The following ARHGAP44 variants were observed in gnomAD, a reference collection of about 807,000 sequenced individuals.
ARHGAP44 encodes the protein rho GTPase-activating protein 44.
In ARHGAP44, 43 loss-of-function variants were observed where a neutral mutation model predicts 106.8. The ratio of observed to expected loss-of-function variants is 0.40; its 90% CI spans 0.32 to 0.52. The LOEUF (loss-of-function observed/expected upper bound fraction) is 0.52. Ranked by LOEUF, ARHGAP44 falls within the 20% of genes least tolerant of loss-of-function variation. The pLI is 0.48. For missense variants in ARHGAP44, 866 were observed against 1,050.5 expected (o/e 0.82, Z 2.43); for synonymous variants, 439 against 410.3 (o/e 1.07, Z -0.85).
chr17:12,826,135 A>G (rs952653830), intron 1 of ARHGAP44, among the ~76,000 whole-genome samples: 12 of 152,166 alleles, frequency 7.9e-5, no homozygotes, highest in African/African-American at 2.9e-4. Context: ...ACATAGGTAA[A>G]CTTGTGTCCT....
chr17:12,917,850 C>T (rs902346887), intron 5 of ARHGAP44, among the ~76,000 whole-genome samples: 4 of 152,144 alleles, frequency 2.6e-5, no homozygotes, highest in South Asian at 2.1e-4. Context: ...TTCATAGCTA[C>T]GTGCGGTTAG....
chr17:12,851,899 C>T (rs375382985), intron 1 of ARHGAP44, among the ~76,000 whole-genome samples: 3 of 151,800 alleles, frequency 2.0e-5, no homozygotes, highest in African/African-American at 4.8e-5. Flanking sequence ...GGAATATAAT[C>T]GTTTGGTGGA....
At position 12,923,271 on chromosome 17, in the gene ARHGAP44, C is replaced by T. The variant is rs923770614; in HGVS notation, c.464+3440C>T. Among the ~76,000 whole-genome samples the T allele has an allele frequency of 4.6e-5, 7 of 152,000 alleles. No homozygotes were observed. In the South Asian group the frequency reaches 6.2e-4, roughly 14 times the overall value. On this transcript the variant is annotated intron_variant, in intron 6 of 20. Coordinates refer to ENST00000379672, the MANE Select transcript of ARHGAP44 (RefSeq NM_014859.6). ...TGTTGCCCAGGCTAGAGTGCAATGG[C>T]GCAATCTCAGTTCACTGCAACCTCC...
chr17:12,967,754 A>G (rs1167523416), intron 16 of ARHGAP44, among the ~76,000 whole-genome samples: 3 of 152,108 alleles, frequency 2.0e-5, no homozygotes, highest in East Asian at 1.9e-4. Flanking sequence ...CCTGGGCCTA[A>G]TCCTCTCCCT....
chr17:12,841,461 T>G (rs1038495435), intron 1 of ARHGAP44, among the ~76,000 whole-genome samples: 1 of 151,920 alleles, frequency 6.6e-6, no homozygotes, highest in Non-Finnish European at 1.5e-5. Flanking sequence ...TGGTGTGTGC[T>G]GTAGACTCAG....
chr17:12,861,796 G>A (rs577449352), intron 1 of ARHGAP44, among the ~76,000 whole-genome samples: 1 of 151,824 alleles, frequency 6.6e-6, no homozygotes, highest in Non-Finnish European at 1.5e-5. Flanking sequence ...CACCACGCCT[G>A]GCTAGTTTTT....
At chr17:12,910,571 G>A (rs1390540806) in intron 4 of ARHGAP44, among the ~76,000 whole-genome samples, 6 of 146,184 alleles carry the variant, frequency 4.1e-5, no homozygotes, top group Admixed American at 1.4e-4. Context: ...TCCACCTCCC[G>A]AGTAGCTGGG....
intron 1 of ARHGAP44, among the ~76,000 whole-genome samples, chr17:12,858,119 A>G (rs1446812951): frequency 6.6e-6 from 1 of 152,194 alleles, no homozygotes; most frequent in East Asian, 1.9e-4. Flanking sequence ...GTCTGTAGTA[A>G]GCCTTTGGCT....
intron 1 of ARHGAP44, among the ~76,000 whole-genome samples, chr17:12,843,115 G>A (rs2035465621): frequency 6.6e-6 from 1 of 151,658 alleles, no homozygotes; most frequent in Admixed American, 6.5e-5. Context: ...AATAAATGCT[G>A]TGCCTGTGAC....
intron 1 of ARHGAP44, among the ~76,000 whole-genome samples, chr17:12,802,948 TA>T (rs1567621207): frequency 0.034 from 1,244 of 36,144 alleles, 216 homozygotes; most frequent in African/African-American, 0.12. Context: ...TATATATATA[TA>T]TATATATATA....
chr17:12,818,678 G>T (rs1039444260), intron 1 of ARHGAP44, among the ~76,000 whole-genome samples: 5 of 151,976 alleles, frequency 3.3e-5, no homozygotes, highest in Non-Finnish European at 5.9e-5. Flanking sequence ...CTGTATACCT[G>T]CAGTGAACAA....
chr17:12,975,795 C>CAAAA (rs57364760), intron 18 of ARHGAP44, among the ~76,000 whole-genome samples: 20 of 69,220 alleles, frequency 2.9e-4, no homozygotes, highest in Middle Eastern at 9.8e-3. Context: ...GACTCCGTCT[C>CAAAA]AAAAAAAAAA....
rs147563526 is a variant in ARHGAP44, at chr17:12,940,013, T to A, written c.583-1043T>A. 4.6e-5 allele frequency among the ~76,000 whole-genome samples: 7 copies of A among 152,332 alleles called. 1 individual carries two copies. Among genetic ancestry groups the A allele is most frequent in the African/African-American group, 1.4e-4 (6 of 41,576 alleles). On this transcript the variant is annotated intron_variant, in intron 7 of 20. Coordinates refer to ENST00000379672, the MANE Select transcript of ARHGAP44 (RefSeq NM_014859.6). ...GTGTTCTTAATGAGAATAGGCTTAA[T>A]TAGCAGCTAGAGAGACTGAGGGTTA...
chr17:12,987,232 T>TAGACGAGGAG, intron 20 of ARHGAP44: 1 of 1,300,770 alleles, frequency 7.7e-7, no homozygotes, highest in Non-Finnish European at 1.0e-6. Flanking sequence ...GCTCCTCGTC[T>TAGACGAGGAG]CTGCATGTGG....
intron 20 of ARHGAP44, among the ~76,000 whole-genome samples, chr17:12,989,362 AGAC>A (rs1189020396): frequency 2.0e-5 from 3 of 152,128 alleles, no homozygotes; most frequent in Non-Finnish European, 4.4e-5. Flanking sequence ...GCCGACTCAG[AGAC>A]GTCCAGACAC....
chr17:12,940,277 C>T lies in ARHGAP44; in HGVS notation c.583-779C>T, dbSNP rs143088092. Among the ~76,000 whole-genome samples, 37 of 152,250 alleles carry T rather than the reference C, an allele frequency of 2.4e-4. No homozygotes were observed. The East Asian group carries it at 6.9e-3, about 29-fold the overall frequency. On this transcript the variant is annotated intron_variant, in intron 7 of 20. Transcript: ENST00000379672. The stretch of plus-strand genomic sequence containing the variant: ...ATCGTATGACTTGAGCAAGCAAGTT[C>T]GGATAAGTGACATGCTCAAAAATAT...
chr17:12,855,538 A>G (rs1410589385), intron 1 of ARHGAP44, among the ~76,000 whole-genome samples: 2 of 151,024 alleles, frequency 1.3e-5, no homozygotes. Flanking sequence ...TTTTTTTTAC[A>G]ACTAATTTAA....
At chr17:12,931,876 A>G (rs2038413926) in intron 7 of ARHGAP44, among the ~76,000 whole-genome samples, 1 of 148,064 alleles carries the variant, frequency 6.8e-6, no homozygotes, top group African/African-American at 2.5e-5. Context: ...ACACACACAC[A>G]CACATATCAT....
At chr17:12,854,411 T>G (rs965940027) in intron 1 of ARHGAP44, among the ~76,000 whole-genome samples, 1 of 152,120 alleles carries the variant, frequency 6.6e-6, no homozygotes, top group African/African-American at 2.4e-5. Context: ...TTGACAATAT[T>G]ATGACAGGTA....
Sources: allele counts gnomAD v4.1 joint callset (sites outside exome capture counted in the v4.1 genomes callset), GRCh38; gene constraint gnomAD v4.1.1; transcripts MANE v1.5; gene names NCBI Gene and HGNC (gene_info 2026-07-23, HGNC 2026-07-21).